CLVS1: variants seen among roughly 807,000 people sequenced by gnomAD.
The protein encoded by CLVS1 is clavesin-1.
Under a neutral mutation model 33.1 loss-of-function variants are expected in CLVS1, and 10 were observed. The ratio of observed to expected loss-of-function variants is 0.30; its 90% CI spans 0.19 to 0.51. CLVS1 has a LOEUF of 0.51. CLVS1 is among the 20% of genes least tolerant of loss of function. The pLI is 0.97. For synonymous variants in CLVS1, 163 were observed against 166.1 expected (o/e 0.98, Z 0.14); for missense variants, 343 against 433.4 (o/e 0.79, Z 1.85).
chr8:61,083,610 G>A (rs1282279050), intron 1 of CLVS1, among the ~76,000 whole-genome samples: 2 of 152,064 alleles, frequency 1.3e-5, no homozygotes, highest in Non-Finnish European at 2.9e-5. Flanking sequence ...AACATTTTCT[G>A]GGATAACAAA....
intron 2 of CLVS1, among the ~76,000 whole-genome samples, chr8:61,227,932 C>T (rs888078187): frequency 2.6e-5 from 4 of 152,024 alleles, no homozygotes; most frequent in Admixed American, 2.6e-4. Context: ...GAGAGTGAAG[C>T]CTGGTGTGAA....
At chr8:61,213,838 A>G (rs2978532) in intron 2 of CLVS1, among the ~76,000 whole-genome samples, 96,400 of 152,102 alleles carry the variant, frequency 0.63, 33,048 homozygotes, top group East Asian at 0.97. Context: ...AACTCTGACC[A>G]CCGGTGAGCC....
At chr8:61,046,281 C>A in the CLVS1 span, among the ~76,000 whole-genome samples, 1 of 147,906 alleles carries the variant, frequency 6.8e-6, no homozygotes, top group Non-Finnish European at 1.5e-5. Flanking sequence ...TCAGGTTTGT[C>A]AAAGATCTGA....
the CLVS1 span, among the ~76,000 whole-genome samples, chr8:61,033,000 A>G: frequency 4.8e-3 from 369 of 76,588 alleles, 2 homozygotes; most frequent in African/African-American, 0.016. Flanking sequence ...AAGGAAAGAA[A>G]GAAAGAAAGA....
chr8:61,392,371 T>G (rs1411213587), intron 3 of CLVS1, among the ~76,000 whole-genome samples: 2 of 151,992 alleles, frequency 1.3e-5, no homozygotes, highest in Non-Finnish European at 2.9e-5. Context: ...ACTCAACTCA[T>G]CTAAGTTTGT....
chr8:61,012,828 A>G, the CLVS1 span, among the ~76,000 whole-genome samples: 1 of 152,206 alleles, frequency 6.6e-6, no homozygotes, highest in South Asian at 2.1e-4. Flanking sequence ...ACATCTAGGG[A>G]GGCATTATTA....
At chr8:61,271,298 G>C (rs1390694455) in intron 2 of CLVS1, among the ~76,000 whole-genome samples, 1 of 151,380 alleles carries the variant, frequency 6.6e-6, no homozygotes, top group Non-Finnish European at 1.5e-5. Flanking sequence ...GGAGCAGGTT[G>C]TTCAGTTTCC....
At chr8:61,487,070 T>A (rs1013619577) in intron 5 of CLVS1, among the ~76,000 whole-genome samples, 1 of 152,194 alleles carries the variant, frequency 6.6e-6, no homozygotes, top group Admixed American at 6.5e-5. Context: ...CGAGATCTTG[T>A]TAAAATACAG....
At chr8:61,441,902 A>G (rs1816564167) in intron 3 of CLVS1, among the ~76,000 whole-genome samples, 1 of 152,226 alleles carries the variant, frequency 6.6e-6, no homozygotes, top group South Asian at 2.1e-4. Flanking sequence ...AGAGATTCTG[A>G]GACTGAATGT....
At chr8:61,457,283 A>G (rs1293123839) in intron 4 of CLVS1, among the ~76,000 whole-genome samples, 1 of 152,094 alleles carries the variant, frequency 6.6e-6, no homozygotes. Context: ...ATGTGCATGC[A>G]TGTGTGTATA....
chr8:61,190,048 A>G lies in CLVS1; in HGVS notation c.-152+58188A>G, dbSNP rs189134727. ...CTAATAGACATCTACAGAAGTCTCC[A>G]CCCCAAATCAACAGAATATACATTC... On this transcript the variant is annotated intron_variant, in intron 2 of 2. Transcript: ENST00000522621. Among the ~76,000 whole-genome samples, 11 of 152,316 alleles carry G rather than the reference A, an allele frequency of 7.2e-5. No individual in the cohort carries two copies. The East Asian group carries it at 2.1e-3, about 29-fold the overall frequency.
At chr8:61,348,575 G>A (rs373411341) in intron 2 of CLVS1, among the ~76,000 whole-genome samples, 2 of 152,072 alleles carry the variant, frequency 1.3e-5, no homozygotes, top group Non-Finnish European at 2.9e-5. Context: ...TGGCTGAATA[G>A]TATTTCCTTG....
chr8:61,326,497 GACTCTGGA>G (rs900731287), intron 2 of CLVS1, among the ~76,000 whole-genome samples: 3 of 152,250 alleles, frequency 2.0e-5, no homozygotes, highest in African/African-American at 7.2e-5. Context: ...TCTTGAAGTG[GACTCTGGA>G]ACTCACAGAT....
rs545431974 is a variant in CLVS1, at chr8:61,276,423, A to T, written c.-151-23254A>T. Among the ~76,000 whole-genome samples, 10 of 152,364 alleles carry T rather than the reference A, an allele frequency of 6.6e-5. No individual in the cohort carries two copies. In the South Asian group the frequency reaches 2.1e-3, roughly 32 times the overall value. ...CGGAAGGTGTATATGAGTTAGAAAG[A>T]TTGCTCAAGAAACCCTTGCATTCAT... On this transcript the variant is annotated intron_variant, in intron 2 of 2. Transcript: ENST00000522621.
At chr8:61,017,098 C>T in the CLVS1 span, among the ~76,000 whole-genome samples, 6 of 152,300 alleles carry the variant, frequency 3.9e-5, no homozygotes, top group East Asian at 1.9e-4. Context: ...GCCGGGGCTT[C>T]GCATCACATT....
intron 2 of CLVS1, among the ~76,000 whole-genome samples, chr8:61,192,255 G>T (rs36139868): frequency 0.23 from 35,346 of 151,974 alleles, 4,263 homozygotes; most frequent in Admixed American, 0.29. Context: ...TTGACAAACT[G>T]GACAAAAACA....
intron 2 of CLVS1, among the ~76,000 whole-genome samples, chr8:61,135,694 C>G (rs950438956): frequency 1.3e-5 from 2 of 152,164 alleles, no homozygotes; most frequent in Admixed American, 6.5e-5. Flanking sequence ...TCAGTTGGAG[C>G]CTGGCTTTCT....
At chr8:60,993,708 G>A in the CLVS1 span, among the ~76,000 whole-genome samples, 9 of 152,168 alleles carry the variant, frequency 5.9e-5, no homozygotes, top group Admixed American at 1.3e-4. Flanking sequence ...ATTGCACAGC[G>A]GCTAGCACCG....
chr8:61,330,320 G>A (rs1191129754), intron 2 of CLVS1, among the ~76,000 whole-genome samples: 1 of 152,192 alleles, frequency 6.6e-6, no homozygotes, highest in Non-Finnish European at 1.5e-5. Flanking sequence ...GTTGGAAGGG[G>A]ACACATGGCA....
Sources: gnomAD v4.1 joint callset for allele counts (sites outside exome capture counted in the v4.1 genomes callset) on GRCh38, gnomAD v4.1.1 for gene constraint, MANE v1.5 for transcripts, NCBI Gene and HGNC (gene_info 2026-07-23, HGNC 2026-07-21) for gene names.